Variants in ZNG1B observed in about 807,000 individuals in gnomAD.
ZNG1B encodes the protein Zn regulated GTPase metalloprotein activator 1B, also known as zinc-regulated GTPase metalloprotein activator 1B.
chr2:113,477,836 AG>A, the ZNG1B span, among the ~76,000 whole-genome samples: 1 of 152,056 alleles, frequency 6.6e-6, no homozygotes, highest in African/African-American at 2.4e-5. Context: ...CTGTCTTCAT[AG>A]CCCCTGGCAT....
the ZNG1B span, among the ~76,000 whole-genome samples, chr2:113,471,742 T>C: frequency 1.5e-3 from 226 of 151,824 alleles, 1 homozygote; most frequent in African/African-American, 5.3e-3. Context: ...GTTTGGTTTT[T>C]TGTTCTTGCG....
At chr2:113,453,047 T>G in the ZNG1B span, 1 of 1,470,768 alleles carries the variant, frequency 6.8e-7, no homozygotes, top group South Asian at 1.3e-5. Flanking sequence ...TGTTTACCTG[T>G]TAATTTTATC....
the ZNG1B span, among the ~76,000 whole-genome samples, chr2:113,485,935 A>G: frequency 6.6e-6 from 1 of 151,474 alleles, no homozygotes; most frequent in African/African-American, 2.4e-5. Flanking sequence ...AGTTTTCTCA[A>G]TTATTGCCTC....
chr2:113,444,172 T>A, the ZNG1B span: 1 of 483,438 alleles, frequency 2.1e-6, no homozygotes, highest in Admixed American at 4.2e-5. Context: ...CTGTCATTGG[T>A]CATATTTCTA....
the ZNG1B span, chr2:113,469,122 GTTTA>G: frequency 6.6e-6 from 1 of 151,494 alleles, no homozygotes; most frequent in Non-Finnish European, 1.5e-5. Flanking sequence ...CATTCATTTG[GTTTA>G]TTTTTATTTT....
the ZNG1B span, among the ~76,000 whole-genome samples, chr2:113,442,001 G>A: frequency 6.6e-6 from 1 of 152,086 alleles, no homozygotes; most frequent in Non-Finnish European, 1.5e-5. Flanking sequence ...GCCTCCCAAA[G>A]TTGCTGGGAT....
chr2:113,444,148 A>G, the ZNG1B span: 2 of 444,484 alleles, frequency 4.5e-6, no homozygotes, highest in African/African-American at 3.9e-5. Flanking sequence ...AAAAATGATT[A>G]TTCTGAATTT....
At chr2:113,456,050 T>C in the ZNG1B span, among the ~76,000 whole-genome samples, 36 of 152,018 alleles carry the variant, frequency 2.4e-4, 1 homozygote, top group East Asian at 1.4e-3. Flanking sequence ...TGCTTTTTTT[T>C]CCCAAATCTT....
At chr2:113,488,188 C>T in the ZNG1B span, among the ~76,000 whole-genome samples, 6 of 152,092 alleles carry the variant, frequency 3.9e-5, no homozygotes, top group East Asian at 1.9e-4. Flanking sequence ...TCACATCTCC[C>T]GACTCTGTGC....
At chr2:113,462,631 T>C in the ZNG1B span, 2 of 924,576 alleles carry the variant, frequency 2.2e-6, no homozygotes, top group Non-Finnish European at 3.3e-6. Flanking sequence ...ATCACATATA[T>C]TGTTGATGGC....
At chr2:113,437,802 G>C in the ZNG1B span, 4 of 1,601,296 alleles carry the variant, frequency 2.5e-6, no homozygotes, top group Non-Finnish European at 3.4e-6. Context: ...TGCTGGGCGT[G>C]CGCGGCTGCG....
chr2:113,452,201 G>A, the ZNG1B span, among the ~76,000 whole-genome samples: 1 of 152,100 alleles, frequency 6.6e-6, no homozygotes, highest in Admixed American at 6.6e-5. Context: ...AAAATCAATA[G>A]GTATCAGGAA....
the ZNG1B span, among the ~76,000 whole-genome samples, chr2:113,452,067 A>T: frequency 6.6e-6 from 1 of 152,192 alleles, no homozygotes; most frequent in African/African-American, 2.4e-5. Flanking sequence ...GACACTCTCC[A>T]GTTCTAAGTT....
At chr2:113,439,203 A>G in the ZNG1B span, 28 of 1,358,470 alleles carry the variant, frequency 2.1e-5, no homozygotes, top group African/African-American at 3.6e-4. Context: ...ATCTAGGGAT[A>G]GTTTCACTCC....
At chr2:113,439,090 G>T in the ZNG1B span, 8 of 1,540,494 alleles carry the variant, frequency 5.2e-6, no homozygotes, top group Admixed American at 4.0e-5. Context: ...CAAACGTGCC[G>T]CTCGGGCCTT....
At chr2:113,485,006 A>G in the ZNG1B span, among the ~76,000 whole-genome samples, 7 of 150,176 alleles carry the variant, frequency 4.7e-5, no homozygotes, top group Admixed American at 1.3e-4. Context: ...ATATCTGTCT[A>G]TATGCACATT....
chr2:113,460,757 T>C, the ZNG1B span: 1 of 1,580,062 alleles, frequency 6.3e-7, no homozygotes, highest in Non-Finnish European at 8.5e-7. Context: ...TGCTGGCTAA[T>C]TGTAAAGAGA....
the ZNG1B span, among the ~76,000 whole-genome samples, chr2:113,487,932 G>A: frequency 0.092 from 13,983 of 151,898 alleles, 885 homozygotes; most frequent in Non-Finnish European, 0.13. Flanking sequence ...TGTATTACTA[G>A]TAACAGTGGA....
chr2:113,489,317 C>G, the ZNG1B span, among the ~76,000 whole-genome samples: 1 of 152,048 alleles, frequency 6.6e-6, no homozygotes, highest in Non-Finnish European at 1.5e-5. Flanking sequence ...TCACCACTAC[C>G]AAGCCAACAG....
Sources: allele counts gnomAD v4.1 joint callset (sites outside exome capture counted in the v4.1 genomes callset), GRCh38; gene constraint gnomAD v4.1.1; transcripts MANE v1.5; gene names NCBI Gene and HGNC (gene_info 2026-07-23, HGNC 2026-07-21).